Variants in PDPR observed in about 807,000 individuals in gnomAD.
PDPR encodes pyruvate dehydrogenase phosphatase regulatory subunit, mitochondrial.
Under a neutral mutation model 102.2 loss-of-function variants are expected in PDPR, and 50 were observed. That is an observed-to-expected ratio of 0.49 (90% CI 0.39 to 0.62). The LOEUF (loss-of-function observed/expected upper bound fraction) is 0.62. Ranked by LOEUF, PDPR falls within the 20% of genes least tolerant of loss-of-function variation. The pLI, the probability that PDPR is intolerant of heterozygous loss-of-function variation, is 0.00. For missense variants in PDPR, 625 were observed against 1,098.2 expected (o/e 0.57, Z 6.09); for synonymous variants, 259 against 406.0 (o/e 0.64, Z 4.35).
At chr16:70,120,758 A>C (rs771195118) in intron 3 of PDPR, 39 bp downstream of exon 3, 55 of 1,303,916 alleles carry the variant, frequency 4.2e-5, no homozygotes, top group Non-Finnish European at 5.6e-5. Context: ...GCTGTGCTGC[A>C]CTAATCGTAT....
intron 9 of PDPR, 33 bp downstream of exon 9, chr16:70,132,333 A>G (rs1418825467): frequency 5.7e-6 from 9 of 1,578,312 alleles, no homozygotes; most frequent in Non-Finnish European, 6.1e-6. Context: ...GTAGTGCCTT[A>G]TATTTGTTTA....
intron 17 of PDPR, among the ~76,000 whole-genome samples, chr16:70,150,531 ATT>A (rs71151175): frequency 1.4e-5 from 2 of 138,310 alleles, no homozygotes; most frequent in South Asian, 2.2e-4. Context: ...TTTTCTCTTA[ATT>A]TTTTTTTTTT....
chr16:70,156,401 C>T, intron 18 of PDPR, 74 bp from the exon 19 acceptor site: 1 of 1,549,450 alleles, frequency 6.5e-7, no homozygotes. Context: ...CCAGGGGACC[C>T]TTCCCACGGT....
At chr16:70,123,381 C>T (rs1428076344) in intron 3 of PDPR, among the ~76,000 whole-genome samples, 1 of 152,194 alleles carries the variant, frequency 6.6e-6, no homozygotes, top group African/African-American at 2.4e-5. Flanking sequence ...GGACTACAGG[C>T]ATGCACTACC....
chr16:70,116,577 A>G (rs1388748955), intron 2 of PDPR, among the ~76,000 whole-genome samples: 1 of 144,974 alleles, frequency 6.9e-6, no homozygotes, highest in East Asian at 2.0e-4. Context: ...TTAATAAAAC[A>G]CAAGATTGGC....
At chr16:70,139,343 A>C (rs1265734466) in intron 11 of PDPR, among the ~76,000 whole-genome samples, 1 of 152,218 alleles carries the variant, frequency 6.6e-6, no homozygotes, top group African/African-American at 2.4e-5. Flanking sequence ...CGTATGTCGA[A>C]GTGCGTGCTT....
Position 70,146,244 on chromosome 16 carries a change from G to T in PDPR, c.1962+16G>T, listed in dbSNP as rs1226114799. 6.2e-7 allele frequency: 1 copy of T among 1,613,780 alleles called. No homozygotes were observed. Among genetic ancestry groups the T allele is most frequent in the South Asian group, 1.1e-5 (1 of 91,084 alleles). ...CTTTTGCAAGGTAAGTGCTGATAAA[G>T]TTCTGTTTCTTAAATGGGCAGAGAA... On this transcript the variant is annotated intron_variant, in intron 16 of 18. Transcript: ENST00000288050.
chr16:70,143,512 C>G lies in PDPR; in HGVS notation c.1608C>G (p.Ser536=). 1 of 1,613,748 alleles carries G rather than the reference C, an allele frequency of 6.2e-7. No individual in the cohort carries two copies. The highest frequency in any genetic ancestry group is 8.5e-7 in the Non-Finnish European group (1 of 1,179,692). The stretch of plus-strand genomic sequence containing the variant: ...TGTTTCATTCCCTAACCCTGCAGTC[C>G]ACTGGGGATCAGGCATTAGAAGTTC... ...MSSFTKFEIT[S]TGDQALEVLQ... The change falls in exon 14 of 19, where the codon TCC becomes TCG. Residue 536 remains serine (S), a splice_region_variant and synonymous_variant. Transcript: ENST00000288050.
In PDPR at chr16:70,156,789, G is replaced by C. The variant is rs1283426271; in HGVS notation, c.2550G>C (p.Gln850His). 5.0e-6 allele frequency: 8 copies of C among 1,614,078 alleles called. No homozygotes were observed. Residue 850 changes from glutamine to histidine, a missense_variant, in exon 19 of 19, where the codon CAG (glutamine) becomes CAC (histidine). Around this residue, in one of 11 missense-constraint regions of PDPR, gnomAD observed 303 missense variants for 258.9 expected, o/e 1.17. Coordinates refer to ENST00000288050, the MANE Select transcript of PDPR (RefSeq NM_017990.5). The part of the protein sequence containing the change: ...YEIDIAGYRF[Q>H]AKAKLYPVAS... ...TTGACATCGCGGGATACCGCTTCCA[G>C]GCCAAGGCCAAGCTCTACCCTGTCG...
In PDPR at chr16:70,148,339, G is replaced by T. The variant is rs1597370598; in HGVS notation, c.1963-125G>T. On this transcript the variant is annotated intron_variant, in intron 16 of 18. Transcript: ENST00000288050. ...TAACCACTTTCGGGATGAAATTCTTGCCTTGACGTCTGTCTCCCTCAACAG... is the reference window on the plus strand; with the variant it reads ...TAACCACTTTCGGGATGAAATTCTTTCCTTGACGTCTGTCTCCCTCAACAG... 4.2e-5 allele frequency: 33 copies of T among 789,420 alleles called. No individual in the cohort carries two copies. In the South Asian group the frequency reaches 5.0e-4, roughly 12 times the overall value. 48.9% of individuals were successfully genotyped at this position (789,420 alleles called of 1,614,324 possible). A position where few individuals can be genotyped will look rare whatever the true frequency, so the allele number is the denominator to read the frequency against.
chr16:70,154,700 T>A (rs1018070361), intron 18 of PDPR, among the ~76,000 whole-genome samples: 1 of 152,232 alleles, frequency 6.6e-6, no homozygotes, highest in Non-Finnish European at 1.5e-5. Context: ...TGGAGTGCAG[T>A]GGCGCGATGT....
chr16:70,123,170 G>A (rs1283300649), intron 3 of PDPR, among the ~76,000 whole-genome samples: 1 of 152,234 alleles, frequency 6.6e-6, no homozygotes, highest in African/African-American at 2.4e-5. Context: ...CCAAAGTGCT[G>A]GGATTACAGG....
At chr16:70,123,908 A>C (rs1369813004) in intron 3 of PDPR, among the ~76,000 whole-genome samples, 1 of 152,108 alleles carries the variant, frequency 6.6e-6, no homozygotes, top group African/African-American at 2.4e-5. Context: ...ACAGAAATTA[A>C]CTGGGAGTGG....
intron 2 of PDPR, among the ~76,000 whole-genome samples, chr16:70,118,162 G>C (rs1199660833): frequency 6.6e-6 from 1 of 152,046 alleles, no homozygotes; most frequent in African/African-American, 2.4e-5. Flanking sequence ...ACATGAAAGA[G>C]AGATAGCAGT....
chr16:70,141,360 G>A (rs1333458934), intron 11 of PDPR, among the ~76,000 whole-genome samples: 3 of 152,204 alleles, frequency 2.0e-5, no homozygotes, highest in Non-Finnish European at 4.4e-5. Context: ...TAAGAGAAAT[G>A]AATTCTGACC....
At chr16:70,134,519 C>G (rs1964895066) in intron 9 of PDPR, among the ~76,000 whole-genome samples, 1 of 150,292 alleles carries the variant, frequency 6.7e-6, no homozygotes, top group Admixed American at 6.6e-5. Flanking sequence ...GCCACCGCAC[C>G]TGGCCTTTAA....
At position 70,119,920 on chromosome 16, in the gene PDPR, G is replaced by T. The variant is rs564323049; in HGVS notation, c.-32-541G>T. On this transcript the variant is annotated intron_variant, in intron 2 of 18. Transcript: ENST00000288050. ...TTTTTTGTTTTTTTTTTGTTTGTTT[G>T]TTTGTTTTTTTTTTGAGACGGAGTC... is the stretch of plus-strand genomic sequence containing the variant. Among the ~76,000 whole-genome samples the T allele has an allele frequency of 2.1e-3, 290 of 137,542 alleles. 6 individuals are homozygous for T. Among genetic ancestry groups the T allele is most frequent in the African/African-American group, 9.3e-3 (276 of 29,824 alleles). 90.2% of individuals were successfully genotyped at this position (137,542 alleles called of 152,430 possible).
At chr16:70,144,254 T>G (rs1449498419) in intron 14 of PDPR, among the ~76,000 whole-genome samples, 167 bp from the exon 15 acceptor site, 1 of 147,612 alleles carries the variant, frequency 6.8e-6, no homozygotes, top group Non-Finnish European at 1.5e-5. Context: ...GAATTTTGTT[T>G]TGTTGTTAGG....
chr16:70,147,910 C>T lies in PDPR; in HGVS notation c.1963-554C>T, dbSNP rs543926248. Among the ~76,000 whole-genome samples, 6 of 152,342 alleles carry T rather than the reference C, an allele frequency of 3.9e-5. No individual in the cohort carries two copies. The East Asian group carries it at 1.2e-3, about 29-fold the overall frequency. On this transcript the variant is annotated intron_variant, in intron 16 of 18. Coordinates refer to ENST00000288050, the MANE Select transcript of PDPR (RefSeq NM_017990.5). Reference sequence around the variant, plus strand: ...CCTGTGGAAGCGGTTCACTTCGGTGCTGTCCAGGACTTTCCACTTTCCTTT... The same window carrying T: ...CCTGTGGAAGCGGTTCACTTCGGTGTTGTCCAGGACTTTCCACTTTCCTTT...
Sources: allele counts gnomAD v4.1 joint callset (sites outside exome capture counted in the v4.1 genomes callset), GRCh38; gene constraint gnomAD v4.1.1; regional missense constraint gnomAD v4.1.1; transcripts MANE v1.5; gene names NCBI Gene and HGNC (gene_info 2026-07-23, HGNC 2026-07-21).